The following ELOVL1 variants were observed in gnomAD, a reference collection of about 807,000 sequenced individuals.
ELOVL1 encodes the protein very long chain fatty acid elongase 1.
In ELOVL1, 10 loss-of-function variants were observed where a neutral mutation model predicts 37.8. That is an observed-to-expected ratio of 0.26 (90% confidence interval 0.16 to 0.45). The LOEUF is 0.45. Among genes scored for constraint, ELOVL1 ranks in the 20% least tolerant of loss-of-function variants. The pLI is 1.00. For synonymous variants in ELOVL1, 133 were observed against 123.8 expected (o/e 1.07, Z -0.49); for missense variants, 256 against 352.7 (o/e 0.73, Z 2.20).
intron 2 of ELOVL1, 47 bp downstream of exon 2, chr1:43,365,517 G>A (rs1647218018): frequency 1.9e-6 from 3 of 1,613,832 alleles, no homozygotes; most frequent in Non-Finnish European, 2.5e-6. Context: ...GTAGATCCAG[G>A]GATCCCGGGA....
At position 43,364,489 on chromosome 1, in the gene ELOVL1, C is replaced by T. The variant is rs1187447429; in HGVS notation, c.482-29G>A. On this transcript the variant is annotated intron_variant, in intron 6 of 7. Transcript: ENST00000372458. This position sits in a 1 kb window ranked among gnomAD's most constrained non-coding sequence, Gnocchi z 5.2. Reference sequence around the variant, plus strand: ...TGAGTGGACAATAAGACAGGGTCAGCAGAGTCCAGCCTCTGGTGCCCACCC... The same window carrying T: ...TGAGTGGACAATAAGACAGGGTCAGTAGAGTCCAGCCTCTGGTGCCCACCC... The T allele has an allele frequency of 1.8e-5, 29 of 1,614,054 alleles. No homozygotes were observed. The highest frequency in any genetic ancestry group is 2.3e-5 in the Non-Finnish European group (27 of 1,179,992).
chr1:43,364,489 C>G lies in ELOVL1; in HGVS notation c.482-29G>C, dbSNP rs1187447429. 3 of 1,614,054 alleles carry G rather than the reference C, an allele frequency of 1.9e-6. No homozygotes were observed. The highest frequency in any genetic ancestry group is 4.5e-5 in the East Asian group (2 of 44,876). ...TGAGTGGACAATAAGACAGGGTCAG[C>G]AGAGTCCAGCCTCTGGTGCCCACCC... On this transcript the variant is annotated intron_variant, in intron 6 of 7. Coordinates refer to ENST00000372458, the MANE Select transcript of ELOVL1 (RefSeq NM_022821.4). This position sits in a 1 kb window ranked among gnomAD's most constrained non-coding sequence, Gnocchi z 5.2.
chr1:43,364,582 C>T lies in ELOVL1; in HGVS notation c.441G>A (p.Val147=), dbSNP rs1478219477. 7.4e-6 allele frequency: 12 copies of T among 1,614,132 alleles called. No individual in the cohort carries two copies. Among genetic ancestry groups the T allele is most frequent in the East Asian group, 2.2e-5 (1 of 44,874 alleles). ...CCCCCCACCACCAGCTCCAGGGAAG[C>T]ACAGAGTGATGGAAGACATGTAGGA... ...VTFLHVFHHS[V]LPWSWWWGVK... is the part of the protein sequence containing the mutation. Residue 147 remains valine (V), a synonymous_variant, in exon 6 of 8, where the codon GTG becomes GTA. Coordinates refer to ENST00000372458, the MANE Select transcript of ELOVL1 (RefSeq NM_022821.4). The surrounding 1 kb of genome is among the most constrained non-coding windows in gnomAD (Gnocchi z 5.2).
At chr1:43,365,058 C>T (rs1259505335) in intron 3 of ELOVL1, 50 bp from the exon 4 acceptor site, 1 of 1,594,214 alleles carries the variant, frequency 6.3e-7, no homozygotes, top group South Asian at 1.1e-5. Flanking sequence ...TCCCAGCCAT[C>T]CCTCCCCTTC....
rs1647221112 is a variant in ELOVL1, at chr1:43,365,669, C to A, written c.-14-46G>T. 7 of 1,573,306 alleles carry A rather than the reference C, an allele frequency of 4.4e-6. No individual in the cohort carries two copies. The Admixed American group carries it at 8.3e-5, about 19-fold the overall frequency. On this transcript the variant is annotated intron_variant, in intron 1 of 7. Coordinates refer to ENST00000372458, the MANE Select transcript of ELOVL1 (RefSeq NM_022821.4). ...GATGTCAGACAGATCCCACTGCACACCCCCATCCCACAGAGATAAGACACA... is the reference window on the plus strand; with the variant it reads ...GATGTCAGACAGATCCCACTGCACAACCCCATCCCACAGAGATAAGACACA...
Position 43,365,178 on chromosome 1 carries a change from G to A in ELOVL1, c.237+8C>T. On this transcript the variant is annotated splice_region_variant and intron_variant, in intron 3 of 7. Transcript: ENST00000372458. The stretch of plus-strand genomic sequence containing the variant: ...CAGAAATTAAAGCCCGGCATCCCAG[G>A]GGCCCACCTCATAGACAATGTAGAG... 6.2e-7 allele frequency: 1 copy of A among 1,612,764 alleles called. No individual in the cohort carries two copies. Among genetic ancestry groups the A allele is most frequent in the Non-Finnish European group, 8.5e-7 (1 of 1,179,096 alleles).
chr1:43,364,241 A>C lies in ELOVL1; in HGVS notation c.618+83T>G. The stretch of plus-strand genomic sequence containing the variant: ...GTTGAGTAGGGAGAGATGGGGTCAA[A>C]GGTGAGACAGACTGGATAAAGGCAG... On this transcript the variant is annotated intron_variant, in intron 7 of 7. Transcript: ENST00000372458. The surrounding 1 kb of genome is among the most constrained non-coding windows in gnomAD (Gnocchi z 5.2). The C allele has an allele frequency of 6.2e-7, 1 of 1,611,164 alleles. No individual in the cohort carries two copies. The highest frequency in any genetic ancestry group is 8.5e-7 in the Non-Finnish European group (1 of 1,178,270).
In ELOVL1 at chr1:43,368,005, C is replaced by T. The variant is rs1415579190; in HGVS notation, c.-105G>A. 6.6e-6 allele frequency: 1 copy of T among 152,158 alleles called. No individual in the cohort carries two copies. The highest frequency in any genetic ancestry group is 2.4e-5 in the African/African-American group (1 of 41,416). 9.4% of individuals were successfully genotyped at this position (152,158 alleles called of 1,614,324 possible). On this transcript the variant is annotated 5_prime_UTR_variant, in exon 1 of 8. Transcript: ENST00000372458. ...GGCCAGCCTGCCTGCCTGCCACTTC[C>T]TCATCTGCTGGGCCGACTTTCTGTC...
Position 43,363,844 on chromosome 1 carries a change from G to A in ELOVL1, c.*72C>T, listed in dbSNP as rs1647189207. On this transcript the variant is annotated 3_prime_UTR_variant, in exon 8 of 8. Transcript: ENST00000372458. The stretch of plus-strand genomic sequence containing the variant: ...CCTTGGTCACAGGTGTAGGTGGAGA[G>A]GGCACTGACGGACACTGCCCTAAGG... The A allele has an allele frequency of 1.4e-6, 2 of 1,389,708 alleles. No homozygotes were observed. The highest frequency in any genetic ancestry group is 2.0e-6 in the Non-Finnish European group (2 of 983,648). The allele number at this position is 1,389,708 out of a possible 1,614,324, so 86.1% of individuals were successfully genotyped here. A position where few individuals can be genotyped will look rare whatever the true frequency, so the allele number is the denominator to read the frequency against.
chr1:43,364,080 T>C lies in ELOVL1; in HGVS notation c.676A>G (p.Asn226Asp). 7 of 1,614,136 alleles carry C rather than the reference T, an allele frequency of 4.3e-6. No homozygotes were observed. Among genetic ancestry groups the C allele is most frequent in the Non-Finnish European group, 5.9e-6 (7 of 1,180,028 alleles). The change falls in exon 8 of 8, where the codon AAC (asparagine) becomes GAC (aspartate). Residue 226 changes from asparagine to aspartate, a missense_variant. Asn to Asp is a conservative substitution (Grantham distance 23). Around this residue, in one of 3 missense-constraint regions of ELOVL1, gnomAD observed 59 missense variants for 73.3 expected, o/e 0.80. Coordinates refer to ENST00000372458, the MANE Select transcript of ELOVL1 (RefSeq NM_022821.4). The surrounding 1 kb of genome is among the most constrained non-coding windows in gnomAD (Gnocchi z 5.2). ...ISQYYFMSSC[N>D]YQYPVIIHLI... Reference sequence around the variant, plus strand: ...TGAATAATGACTGGGTACTGGTAGTTACAGCTGGACATAAAGTAGTACTGG... The same window carrying C: ...TGAATAATGACTGGGTACTGGTAGTCACAGCTGGACATAAAGTAGTACTGG...
chr1:43,364,700 T>G lies in ELOVL1; in HGVS notation c.375+38A>C. 6.2e-7 allele frequency: 1 copy of G among 1,613,964 alleles called. No homozygotes were observed. The highest frequency in any genetic ancestry group is 8.5e-7 in the Non-Finnish European group (1 of 1,179,952). ...CAGAACCTGGGCTTCTCCACCTCAT[T>G]CTCCCCTCAAGTTCTCACATCTCAT... On this transcript the variant is annotated intron_variant, in intron 5 of 7. Transcript: ENST00000372458. This position sits in a 1 kb window ranked among gnomAD's most constrained non-coding sequence, Gnocchi z 5.2.
Position 43,364,285 on chromosome 1 carries a change from G to T in ELOVL1, c.618+39C>A, listed in dbSNP as rs746756197. 8.1e-6 allele frequency: 13 copies of T among 1,613,488 alleles called. No individual in the cohort carries two copies. Among genetic ancestry groups the T allele is most frequent in the Admixed American group, 5.0e-5 (3 of 59,986 alleles). The stretch of plus-strand genomic sequence containing the variant: ...AAGGCAGGATCCAGGCTAGGAATGT[G>T]GGGGGATGGTTATAGGTAAGTCAGG... On this transcript the variant is annotated intron_variant, in intron 7 of 7. Coordinates refer to ENST00000372458, the MANE Select transcript of ELOVL1 (RefSeq NM_022821.4). The surrounding 1 kb of genome is among the most constrained non-coding windows in gnomAD (Gnocchi z 5.2).
chr1:43,363,658 G>C lies in ELOVL1; in HGVS notation c.*258C>G. 5.7e-6 allele frequency: 3 copies of C among 527,086 alleles called. No homozygotes were observed. Among genetic ancestry groups the C allele is most frequent in the Admixed American group, 3.2e-5 (1 of 30,912 alleles). 32.7% of individuals were successfully genotyped at this position (527,086 alleles called of 1,614,324 possible). A position where few individuals can be genotyped will look rare whatever the true frequency, so the allele number is the denominator to read the frequency against. ...TTAAGGCAGGGAGGGGGAAATAACTGTACAGCCCTTTTAGCCCCCAGCTCT... is the reference window on the plus strand; with the variant it reads ...TTAAGGCAGGGAGGGGGAAATAACTCTACAGCCCTTTTAGCCCCCAGCTCT... On this transcript the variant is annotated 3_prime_UTR_variant, in exon 8 of 8. Coordinates refer to ENST00000372458, the MANE Select transcript of ELOVL1 (RefSeq NM_022821.4).
chr1:43,365,597 C>T lies in ELOVL1; in HGVS notation c.13G>A (p.Val5Met), dbSNP rs111698274. 7.1e-4 allele frequency: 1,143 copies of T among 1,614,088 alleles called. 10 individuals carry two copies. The African/African-American group carries it at 0.013, about 19-fold the overall frequency. MEAV[V>M]NLYQEVMKHA... ...TTCATCACCTCTTGGTACAAGTTCA[C>T]AACAGCCTCCATCCTGGCTAAGGAC... Residue 5 changes from valine to methionine, a missense_variant, in exon 2 of 8, where the codon GTG (valine) becomes ATG (methionine). By Grantham distance (21) the Val-to-Met change is conservative. Coordinates refer to ENST00000372458, the MANE Select transcript of ELOVL1 (RefSeq NM_022821.4).
chr1:43,364,834 T>C lies in ELOVL1; in HGVS notation c.319-40A>G, dbSNP rs985655784. 1 of 1,614,162 alleles carries C rather than the reference T, an allele frequency of 6.2e-7. No individual in the cohort carries two copies. Among genetic ancestry groups the C allele is most frequent in the African/African-American group, 1.3e-5 (1 of 75,032 alleles). On this transcript the variant is annotated intron_variant, in intron 4 of 7. Coordinates refer to ENST00000372458, the MANE Select transcript of ELOVL1 (RefSeq NM_022821.4). The surrounding 1 kb of genome is among the most constrained non-coding windows in gnomAD (Gnocchi z 5.2). Reference sequence around the variant, plus strand: ...GATAGCCTTAGGACCTCATACACTATTCTAAGAGCCTCCCTAAACTGGGCC... The same window carrying C: ...GATAGCCTTAGGACCTCATACACTACTCTAAGAGCCTCCCTAAACTGGGCC...
chr1:43,364,625 T>G lies in ELOVL1; in HGVS notation c.398A>C (p.Lys133Thr). 6.2e-7 allele frequency: 1 copy of G among 1,614,168 alleles called. No individual in the cohort carries two copies. Among genetic ancestry groups the G allele is most frequent in the Non-Finnish European group, 8.5e-7 (1 of 1,180,030 alleles). The change falls in exon 6 of 8, where the codon AAA (lysine) becomes ACA (threonine). Residue 133 changes from lysine (K) to threonine (T), a missense_variant. Lys to Thr is a moderately conservative substitution (Grantham distance 78, BLOSUM62 -1). Transcript: ENST00000372458. The surrounding 1 kb of genome is among the most constrained non-coding windows in gnomAD (Gnocchi z 5.2). The part of the protein sequence containing the change: ...MDTVIFILRK[K>T]DGQVTFLHVF... ...ATGTAGGAAGGTCACCTGCCCGTCT[T>G]TCTTTCGGAGAATAAAGATCACCTG...
At chr1:43,367,589 CCTTT>C (rs1186705908) in intron 1 of ELOVL1, 1 of 152,352 alleles carries the variant, frequency 6.6e-6, no homozygotes, top group Non-Finnish European at 1.5e-5. Flanking sequence ...TCCCTTCCTT[CCTTT>C]AAGATGGATG....
chr1:43,366,758 G>A (rs946098992), intron 1 of ELOVL1, among the ~76,000 whole-genome samples: 5 of 152,106 alleles, frequency 3.3e-5, no homozygotes, highest in African/African-American at 7.2e-5. Context: ...GTTGGGGAGT[G>A]GGGGAGGTCG....
rs1557476421 is a variant in ELOVL1, at chr1:43,364,332, T to G, written c.610A>C (p.Ile204Leu). 1 of 1,614,126 alleles carries G rather than the reference T, an allele frequency of 6.2e-7. No individual in the cohort carries two copies. The highest frequency in any genetic ancestry group is 8.5e-7 in the Non-Finnish European group (1 of 1,180,022). ...YLWWKKHMTA[I>L]QLIQFVLVSL... Reference sequence around the variant, plus strand: ...CAGGCCAAGCCCCTCACCAGCTGAATGGCTGTCATGTGCTTTTTCCACCAA... The same window carrying G: ...CAGGCCAAGCCCCTCACCAGCTGAAGGGCTGTCATGTGCTTTTTCCACCAA... Residue 204 changes from isoleucine (I) to leucine (L), a missense_variant, in exon 7 of 8, where the codon ATT becomes CTT. Ile to Leu is a conservative substitution (Grantham distance 5, BLOSUM62 2). Coordinates refer to ENST00000372458, the MANE Select transcript of ELOVL1 (RefSeq NM_022821.4). The surrounding 1 kb of genome is among the most constrained non-coding windows in gnomAD (Gnocchi z 5.2).
Sources: allele counts gnomAD v4.1 joint callset (sites outside exome capture counted in the v4.1 genomes callset), GRCh38; gene constraint gnomAD v4.1.1; regional missense constraint gnomAD v4.1.1; non-coding constraint Gnocchi (gnomAD v3.1); transcripts MANE v1.5; gene names NCBI Gene and HGNC (gene_info 2026-07-23, HGNC 2026-07-21).